PAQR3: variants seen among roughly 807,000 people sequenced by gnomAD.
PAQR3 encodes the protein progestin and adipoQ receptor family member 3.
PAQR3 carries 39 observed loss-of-function variants against 41.7 expected under a neutral mutation model. That is an observed-to-expected ratio of 0.93 (90% CI 0.72 to 1.22). The LOEUF is 1.22. Among genes scored for constraint, PAQR3 ranks in the 50% most tolerant of loss-of-function variants. The pLI, the probability that PAQR3 is intolerant of heterozygous loss-of-function variation, is 0.00. For missense variants in PAQR3, 366 were observed against 385.6 expected (o/e 0.95, Z 0.42); for synonymous variants, 140 against 140.6 (o/e 1.00, Z 0.03).
rs1353524216 is a variant in PAQR3, at chr4:78,915,586, T to C, written c.*4953A>G. On this transcript the variant is annotated 3_prime_UTR_variant, in exon 6 of 6. Coordinates refer to ENST00000512733, the MANE Select transcript of PAQR3 (RefSeq NM_001040202.2). ...ATACCATAAATGATGAATAGTTTAT[T>C]TGAGAACTTTTATACTCAGTGGTGT... is the stretch of plus-strand genomic sequence containing the variant. 1 of 151,972 alleles carries C rather than the reference T, an allele frequency of 6.6e-6. No homozygotes were observed. The highest frequency in any genetic ancestry group is 1.5e-5 in the Non-Finnish European group (1 of 67,892). The allele number at this position is 151,972 out of a possible 1,614,324, so 9.4% of individuals were successfully genotyped here.
chr4:78,918,256 A>G lies in PAQR3; in HGVS notation c.*2283T>C. ...TATTTTAATCTTACTTTAATCTATA[A>G]AAACAAAAATAACTTAAATATACAT... is the stretch of plus-strand genomic sequence containing the variant. On this transcript the variant is annotated 3_prime_UTR_variant, in exon 6 of 6. Transcript: ENST00000512733. The G allele has an allele frequency of 1.1e-6, 1 of 931,620 alleles. No homozygotes were observed. 57.7% of individuals were successfully genotyped at this position (931,620 alleles called of 1,614,324 possible).
chr4:78,889,333 T>C (rs1733298230), intron 11 of PAQR3, among the ~76,000 whole-genome samples: 1 of 151,426 alleles, frequency 6.6e-6, no homozygotes, highest in African/African-American at 2.4e-5. Flanking sequence ...AAAAAGTATA[T>C]AGACTGGAAT....
Position 78,912,173 on chromosome 4 carries a change from A to C in PAQR3, c.*8366T>G. On this transcript the variant is annotated 3_prime_UTR_variant, in exon 6 of 6. Transcript: ENST00000512733. The stretch of plus-strand genomic sequence containing the variant: ...AGAATAGGTGATTTCTAAATAAACC[A>C]AATAGAAGAATGAAGTATCTCTACA... 1.3e-6 allele frequency: 1 copy of C among 774,246 alleles called. No homozygotes were observed. The allele number at this position is 774,246 out of a possible 1,614,324, so 48.0% of individuals were successfully genotyped here.
At position 78,939,072 on chromosome 4, in the gene PAQR3, C is replaced by G; in HGVS notation, c.153G>C (p.Arg51=). Residue 51 remains arginine (R), a synonymous_variant, in exon 1 of 6, where the codon CGG becomes CGC. Coordinates refer to ENST00000512733, the MANE Select transcript of PAQR3 (RefSeq NM_001040202.2). ...KDNPYITDGY[R]AYLPSRLCIK... is the part of the protein sequence containing the mutation. ...TACACAGCCTGGACGGCAGGTAGGC[C>G]CGGTAGCCGTCGGTGATGTACGGGT... 1 of 1,611,364 alleles carries G rather than the reference C, an allele frequency of 6.2e-7. No individual in the cohort carries two copies.
At chr4:78,887,858 A>G (rs1165940694) in intron 12 of PAQR3, among the ~76,000 whole-genome samples, 3 of 152,182 alleles carry the variant, frequency 2.0e-5, no homozygotes, top group Non-Finnish European at 2.9e-5. Context: ...ATGTATGGTT[A>G]TAGTGGAAAA....
Position 78,918,608 on chromosome 4 carries a change from A to G in PAQR3, c.*1931T>C, listed in dbSNP as rs1735327387. ...AATTCAAAGAAACACGGATTTAAAA[A>G]CACAGTATACTCTTTTCATGTTATT... On this transcript the variant is annotated 3_prime_UTR_variant, in exon 6 of 6. Coordinates refer to ENST00000512733, the MANE Select transcript of PAQR3 (RefSeq NM_001040202.2). 4.1e-6 allele frequency: 4 copies of G among 963,996 alleles called. No individual in the cohort carries two copies. The highest frequency in any genetic ancestry group is 4.9e-6 in the Non-Finnish European group (4 of 810,310). The allele number at this position is 963,996 out of a possible 1,614,324, so 59.7% of individuals were successfully genotyped here.
Position 78,930,187 on chromosome 4 carries a change from C to A in PAQR3, c.487G>T (p.Ala163Ser), listed in dbSNP as rs372568354. Residue 163 changes from alanine (A) to serine (S), a missense_variant, in exon 3 of 6, where the codon GCA becomes TCA. Ala to Ser is a moderately conservative substitution (Grantham distance 99). Transcript: ENST00000512733. The part of the protein sequence containing the change: ...LGCYVSGVFY[A>S]FYCNNYWRQV... Reference sequence around the variant, plus strand: ...CTACTTACGTTATTACAATAAAATGCGTAAAATACTCCTGAGACATAGCAG... The same window carrying A: ...CTACTTACGTTATTACAATAAAATGAGTAAAATACTCCTGAGACATAGCAG... 4.2e-5 allele frequency: 67 copies of A among 1,609,252 alleles called. No individual in the cohort carries two copies. The highest frequency in any genetic ancestry group is 5.4e-5 in the Non-Finnish European group (64 of 1,178,590).
At chr4:78,922,671 A>G (rs994087156) in intron 5 of PAQR3, among the ~76,000 whole-genome samples, 1 of 151,866 alleles carries the variant, frequency 6.6e-6, no homozygotes, top group Non-Finnish European at 1.5e-5. Context: ...ATTGCTAGAA[A>G]CTTGGTTACA....
chr4:78,905,627 T>G (rs1241302390), intron 11 of PAQR3, among the ~76,000 whole-genome samples: 2 of 151,950 alleles, frequency 1.3e-5, no homozygotes. Flanking sequence ...TCAGTAAATA[T>G]GGGGATTATT....
chr4:78,899,520 A>C (rs1733887284), intron 11 of PAQR3, among the ~76,000 whole-genome samples: 1 of 152,168 alleles, frequency 6.6e-6, no homozygotes, highest in South Asian at 2.1e-4. Flanking sequence ...CAGTTAGAAG[A>C]GACTAGAAGA....
At position 78,922,313 on chromosome 4, in the gene PAQR3, G is replaced by A. The variant is rs535530663; in HGVS notation, c.793+1544C>T. On this transcript the variant is annotated intron_variant, in intron 5 of 5. Transcript: ENST00000512733. The stretch of plus-strand genomic sequence containing the variant: ...AAACCAAGTACACAAAGGAATGCCT[G>A]AGGATCTGTGGGATGGATTGTTTAG... The A allele has an allele frequency of 5.5e-6, 7 of 1,283,682 alleles. No individual in the cohort carries two copies. In the African/African-American group the frequency reaches 9.1e-5, roughly 17 times the overall value. The allele number at this position is 1,283,682 out of a possible 1,614,324, so 79.5% of individuals were successfully genotyped here. A position where few individuals can be genotyped will look rare whatever the true frequency, so the allele number is the denominator to read the frequency against.
chr4:78,912,162 C>G lies in PAQR3; in HGVS notation c.*8377G>C, dbSNP rs571043194. On this transcript the variant is annotated 3_prime_UTR_variant, in exon 6 of 6. Transcript: ENST00000512733. ...AAAGATCAGTCAGAATAGGTGATTT[C>G]TAAATAAACCAAATAGAAGAATGAA... The G allele has an allele frequency of 1.3e-5, 11 of 820,728 alleles. No homozygotes were observed. In the East Asian group the frequency reaches 2.8e-4, roughly 21 times the overall value. The allele number at this position is 820,728 out of a possible 1,614,324, so 50.8% of individuals were successfully genotyped here.
At chr4:78,891,287 C>T (rs1325532765) in intron 11 of PAQR3, among the ~76,000 whole-genome samples, 2 of 151,904 alleles carry the variant, frequency 1.3e-5, no homozygotes, top group Non-Finnish European at 2.9e-5. Flanking sequence ...CTTATTCCTG[C>T]TCCTCTTTCT....
At chr4:78,887,855 G>A (rs1480727918) in intron 12 of PAQR3, among the ~76,000 whole-genome samples, 1 of 152,130 alleles carries the variant, frequency 6.6e-6, no homozygotes, top group Non-Finnish European at 1.5e-5. Context: ...TGTATGTATG[G>A]TTATAGTGGA....
rs1383515409 is a variant in PAQR3, at chr4:78,919,909, A to T, written c.*630T>A. The T allele has an allele frequency of 1.0e-6, 1 of 985,326 alleles. No individual in the cohort carries two copies. The highest frequency in any genetic ancestry group is 1.2e-6 in the Non-Finnish European group (1 of 829,654). 61.0% of individuals were successfully genotyped at this position (985,326 alleles called of 1,614,324 possible). A position where few individuals can be genotyped will look rare whatever the true frequency, so the allele number is the denominator to read the frequency against. ...AATGAGAAGTTCTTTTCCTCTTCTC[A>T]ACCCTTCTCTCAACTTACTGCAGAA... On this transcript the variant is annotated 3_prime_UTR_variant, in exon 6 of 6. Transcript: ENST00000512733.
At chr4:78,892,367 C>T (rs963525526) in intron 11 of PAQR3, among the ~76,000 whole-genome samples, 7 of 151,894 alleles carry the variant, frequency 4.6e-5, no homozygotes, top group African/African-American at 1.2e-4. Context: ...GTTTTATTGA[C>T]GTGAAGTTTT....
At chr4:78,907,046 A>G (rs929201020), downstream of PAQR3, among the ~76,000 whole-genome samples, 1 of 152,180 alleles carries the variant, frequency 6.6e-6, no homozygotes, top group Non-Finnish European at 1.5e-5. Flanking sequence ...GAAAAAGTGC[A>G]TGAATCATGG....
At chr4:78,922,018 A>G in intron 5 of PAQR3, 1 of 1,009,454 alleles carries the variant, frequency 9.9e-7, no homozygotes, top group Non-Finnish European at 1.2e-6. Flanking sequence ...AAGGCCTAAA[A>G]CCCACTATGG....
Position 78,917,677 on chromosome 4 carries a change from C to T in PAQR3, c.*2862G>A. The T allele has an allele frequency of 2.5e-6, 1 of 405,796 alleles. No homozygotes were observed. Among genetic ancestry groups the T allele is most frequent in the Non-Finnish European group, 3.3e-6 (1 of 300,758 alleles). The allele number at this position is 405,796 out of a possible 1,614,324, so 25.1% of individuals were successfully genotyped here. On this transcript the variant is annotated 3_prime_UTR_variant, in exon 6 of 6. Coordinates refer to ENST00000512733, the MANE Select transcript of PAQR3 (RefSeq NM_001040202.2). ...ATTTACAGTGGACAGGGACCTAATG[C>T]AGCAAAGCAACCAGCAGGAATTCAC...
Sources: allele counts gnomAD v4.1 joint callset (sites outside exome capture counted in the v4.1 genomes callset), GRCh38; gene constraint gnomAD v4.1.1; transcripts MANE v1.5; gene names NCBI Gene and HGNC (gene_info 2026-07-23, HGNC 2026-07-21).